The following NCAM1 variants were observed in gnomAD, a reference collection of about 807,000 sequenced individuals.
NCAM1 encodes antigen recognized by monoclonal antibody 5.1H11.
A neutral mutation model predicts 109.8 loss-of-function variants in NCAM1; 14 were observed. The ratio of observed to expected loss-of-function variants is 0.13; its 90% CI spans 0.08 to 0.20. NCAM1 has a LOEUF of 0.20. NCAM1 is among the 10% of genes least tolerant of loss of function. The pLI, the probability that NCAM1 is intolerant of heterozygous loss-of-function variation, is 1.00. For synonymous variants in NCAM1, 418 were observed against 442.9 expected, an observed-to-expected ratio of 0.94 and a Z score of 0.70; for missense variants, 774 against 1,109.9, an observed-to-expected ratio of 0.70 and a Z score of 4.30.
intron 1 of NCAM1, among the ~76,000 whole-genome samples, chr11:112,978,891 TCA>T (rs1951076024): frequency 6.6e-6 from 1 of 151,872 alleles, no homozygotes; most frequent in Admixed American, 6.6e-5. Flanking sequence ...AGAAAGTAGT[TCA>T]CTGAGTTAAA....
chr11:113,064,898 A>G (rs912233455), intron 1 of NCAM1, among the ~76,000 whole-genome samples: 2 of 152,236 alleles, frequency 1.3e-5, no homozygotes, highest in Non-Finnish European at 2.9e-5. Context: ...AGGTATGTGT[A>G]TATACACAGG....
rs1407475982 is a variant in NCAM1, at chr11:113,273,195, G to A, written c.2456+1319G>A. 1.6e-5 allele frequency: 6 copies of A among 383,130 alleles called. No individual in the cohort carries two copies. The highest frequency in any genetic ancestry group is 6.0e-5 in the Admixed American group (2 of 33,150). 23.7% of individuals were successfully genotyped at this position (383,130 alleles called of 1,614,324 possible). A position where few individuals can be genotyped will look rare whatever the true frequency, so the allele number is the denominator to read the frequency against. ...GGCCCCAGCTTCAGCCCCCAAGGTC[G>A]CCCCCCTCGTTGACCTGAGCGACAC... On this transcript the variant is annotated intron_variant, in intron 19 of 19. Coordinates refer to ENST00000316851, the MANE Select transcript of NCAM1 (RefSeq NM_181351.5). This position sits in a 1 kb window ranked among gnomAD's most constrained non-coding sequence, Gnocchi z 6.0.
chr11:113,143,865 G>A (rs1375041815), intron 1 of NCAM1, among the ~76,000 whole-genome samples: 2 of 152,194 alleles, frequency 1.3e-5, no homozygotes, highest in Non-Finnish European at 1.5e-5. Context: ...TCGTTGCGCT[G>A]TGGAAGTAGT....
At chr11:113,161,183 G>GC (rs1591376475) in intron 1 of NCAM1, among the ~76,000 whole-genome samples, 1 of 152,052 alleles carries the variant, frequency 6.6e-6, no homozygotes, top group African/African-American at 2.4e-5. Flanking sequence ...AATCAAAAGA[G>GC]CCCCCCAAGA....
chr11:113,047,469 T>C (rs1953309934), intron 1 of NCAM1, among the ~76,000 whole-genome samples: 1 of 151,978 alleles, frequency 6.6e-6, no homozygotes, highest in Non-Finnish European at 1.5e-5. Context: ...CCATACCGGG[T>C]TGGAGGCAAA....
intron 17 of NCAM1, chr11:113,264,996 C>T (rs909026147): frequency 1.8e-5 from 18 of 985,426 alleles, no homozygotes; most frequent in Admixed American, 6.1e-5. Context: ...AGCCACACCC[C>T]ACTCCCCTGT....
intron 7 of NCAM1, among the ~76,000 whole-genome samples, chr11:113,208,464 C>A: frequency 6.6e-6 from 1 of 151,992 alleles, no homozygotes; most frequent in Non-Finnish European, 1.5e-5. Context: ...TCAGACATAC[C>A]AAGCTTGTTC....
intron 1 of NCAM1, among the ~76,000 whole-genome samples, chr11:113,025,465 C>T (rs1012955157): frequency 6.6e-5 from 10 of 151,992 alleles, no homozygotes; most frequent in African/African-American, 2.4e-4. Context: ...ATCTGTTATT[C>T]TGATTGGAGG....
At chr11:113,134,321 C>T (rs370927675) in intron 1 of NCAM1, among the ~76,000 whole-genome samples, 14 of 149,106 alleles carry the variant, frequency 9.4e-5, no homozygotes, top group African/African-American at 2.4e-4. Flanking sequence ...GATTTTTTTT[C>T]GTTTTTTAAG....
At chr11:113,102,589 G>C (rs1365339157) in intron 1 of NCAM1, among the ~76,000 whole-genome samples, 2 of 152,166 alleles carry the variant, frequency 1.3e-5, no homozygotes, top group African/African-American at 4.8e-5. Flanking sequence ...TGATATGCCA[G>C]GTGGACTTCT....
At chr11:113,248,325 C>G (rs2137474708) in intron 15 of NCAM1, among the ~76,000 whole-genome samples, 1 of 152,186 alleles carries the variant, frequency 6.6e-6, no homozygotes, top group South Asian at 2.1e-4. Flanking sequence ...CAGACCCTCT[C>G]CTGCCATCTG....
At chr11:113,220,323 T>C (rs995199862) in intron 8 of NCAM1, among the ~76,000 whole-genome samples, 17 of 152,194 alleles carry the variant, frequency 1.1e-4, no homozygotes, top group African/African-American at 3.9e-4. Flanking sequence ...ACATACCATC[T>C]GTGCATTCTC....
chr11:113,204,494 G>A lies in NCAM1; in HGVS notation c.336G>A (p.Val112=), dbSNP rs782751605. 8.7e-6 allele frequency: 14 copies of A among 1,613,832 alleles called. No individual in the cohort carries two copies. In the East Asian group the frequency reaches 2.9e-4, roughly 33 times the overall value. The part of the protein sequence containing the change: ...DGSESEATVN[V]KIFQKLMFKN... ...GTGAGTCAGAGGCCACCGTCAACGT[G>A]AAGATCTTTCGTAAGAGCCTCCTTC... is the stretch of plus-strand genomic sequence containing the variant. The change falls in exon 3 of 20, where the codon GTG becomes GTA. Residue 112 remains valine (V), a synonymous_variant. Transcript: ENST00000316851.
At chr11:113,116,147 C>T (rs1298090009) in intron 1 of NCAM1, among the ~76,000 whole-genome samples, 1 of 152,208 alleles carries the variant, frequency 6.6e-6, no homozygotes, top group Admixed American at 6.5e-5. Context: ...CCTCCTTCGC[C>T]TAAGTGGTGA....
intron 17 of NCAM1, among the ~76,000 whole-genome samples, chr11:113,267,840 A>G (rs190288940): frequency 5.9e-4 from 90 of 152,314 alleles, no homozygotes; most frequent in African/African-American, 2.1e-3. Flanking sequence ...CTGTCCTCTC[A>G]AGCACATAGA....
At chr11:113,048,954 A>G (rs1192112702) in intron 1 of NCAM1, among the ~76,000 whole-genome samples, 2 of 152,108 alleles carry the variant, frequency 1.3e-5, no homozygotes, top group East Asian at 3.9e-4. Flanking sequence ...TGAGCTGAGT[A>G]TTGTTCTACG....
intron 1 of NCAM1, among the ~76,000 whole-genome samples, chr11:113,077,688 CTT>C (rs10535004): frequency 0.53 from 77,142 of 145,544 alleles, 20,688 homozygotes; most frequent in Middle Eastern, 0.58. Context: ...TAAGGAAGTA[CTT>C]TTTTTTTTTT....
intron 1 of NCAM1, among the ~76,000 whole-genome samples, chr11:113,109,417 A>G (rs1197287951): frequency 2.0e-5 from 3 of 152,012 alleles, no homozygotes; most frequent in Non-Finnish European, 2.9e-5. Flanking sequence ...TGCCAAAGAC[A>G]TATTCCTGAG....
intron 9 of NCAM1, 125 bp from the exon 10 acceptor site, chr11:113,231,520 G>A (rs1945004967): frequency 2.9e-6 from 3 of 1,034,818 alleles, no homozygotes; most frequent in East Asian, 5.2e-5. Context: ...AGAGAGGAGA[G>A]AGGAAGTGAG....
Sources: allele counts gnomAD v4.1 joint callset (sites outside exome capture counted in the v4.1 genomes callset), GRCh38; gene constraint gnomAD v4.1.1; non-coding constraint Gnocchi (gnomAD v3.1); transcripts MANE v1.5; gene names NCBI Gene and HGNC (gene_info 2026-07-23, HGNC 2026-07-21).